Variants in TCF20 observed in about 807,000 individuals in gnomAD.
The protein encoded by TCF20 is SPRE-binding protein.
TCF20 carries 3 observed loss-of-function variants against 148.6 expected under a neutral mutation model. That is an observed-to-expected ratio of 0.02 (90% confidence interval 0.01 to 0.05). TCF20 has a LOEUF of 0.05. Among genes scored for constraint, TCF20 ranks in the 10% least tolerant of loss-of-function variants. The probability of loss-of-function intolerance (pLI) is 1.00; values close to 1 mark genes in which losing one functional copy is unlikely to be tolerated. For synonymous variants in TCF20, 1,049 were observed against 909.5 expected, an observed-to-expected ratio of 1.15 and a Z score of -2.76; for missense variants, 2,350 against 2,429.3, an observed-to-expected ratio of 0.97 and a Z score of 0.69.
intron 1 of TCF20, among the ~76,000 whole-genome samples, chr22:42,301,683 G>A (rs1162937298): frequency 6.6e-6 from 1 of 152,238 alleles, no homozygotes. Flanking sequence ...GCAAGGGAGG[G>A]AAGGTGGGAA....
chr22:42,202,412 G>T (rs1282332222), intron 2 of TCF20, among the ~76,000 whole-genome samples: 2 of 152,166 alleles, frequency 1.3e-5, no homozygotes, highest in Non-Finnish European at 2.9e-5. Context: ...ACTTTGTATG[G>T]TAAGGACAGT....
intron 2 of TCF20, among the ~76,000 whole-genome samples, chr22:42,199,708 A>C (rs1192612726): frequency 3.6e-5 from 4 of 110,656 alleles, no homozygotes; most frequent in South Asian, 2.8e-4. Context: ...CATCTCTACA[A>C]AAAAAAAAAA....
At chr22:42,311,419 C>T (rs1424953152) in intron 1 of TCF20, among the ~76,000 whole-genome samples, 3 of 152,214 alleles carry the variant, frequency 2.0e-5, no homozygotes, top group Admixed American at 6.5e-5. Context: ...ATTTTTGCCT[C>T]AGGGTGGTGT....
chr22:42,263,567 C>G (rs112883712), intron 1 of TCF20, among the ~76,000 whole-genome samples: 15 of 152,296 alleles, frequency 9.8e-5, no homozygotes, highest in African/African-American at 3.4e-4. Context: ...AGGCCTCACT[C>G]TAAATGAACT....
At chr22:42,325,665 T>C (rs767583961) in intron 1 of TCF20, among the ~76,000 whole-genome samples, 2 of 152,074 alleles carry the variant, frequency 1.3e-5, no homozygotes, top group Admixed American at 6.5e-5. Context: ...GAGCTCACAG[T>C]CCAAAACAGG....
chr22:42,169,236 C>T (rs989530977), intron 4 of TCF20, among the ~76,000 whole-genome samples: 1 of 152,130 alleles, frequency 6.6e-6, no homozygotes, highest in Non-Finnish European at 1.5e-5. Context: ...TCTCCATATA[C>T]ACCCTCCCCA....
chr22:42,288,367 C>A (rs965716073), upstream of TCF20, among the ~76,000 whole-genome samples: 1 of 151,960 alleles, frequency 6.6e-6, no homozygotes, highest in African/African-American at 2.4e-5. Flanking sequence ...GAAACCCTGT[C>A]TCAACTAAAA....
At chr22:42,200,990 A>G (rs903021162) in intron 2 of TCF20, among the ~76,000 whole-genome samples, 7 of 152,230 alleles carry the variant, frequency 4.6e-5, no homozygotes, top group African/African-American at 1.2e-4. Flanking sequence ...GTAGCACCCA[A>G]TGCTGGAGGC....
intron 2 of TCF20, among the ~76,000 whole-genome samples, chr22:42,197,698 C>T (rs1393708204): frequency 6.6e-6 from 1 of 152,142 alleles, no homozygotes; most frequent in African/African-American, 2.4e-5. Context: ...CCATACATCT[C>T]AATTTTCCAG....
At chr22:42,180,415 T>C (rs1936713486) in intron 2 of TCF20, among the ~76,000 whole-genome samples, 1 of 152,156 alleles carries the variant, frequency 6.6e-6, no homozygotes, top group Non-Finnish European at 1.5e-5. Flanking sequence ...GGGGCACATC[T>C]CTGTCAGCCC....
intron 2 of TCF20, among the ~76,000 whole-genome samples, chr22:42,202,880 GGGCCGA>G (rs1319954545): frequency 6.6e-6 from 1 of 152,180 alleles, no homozygotes; most frequent in African/African-American, 2.4e-5. Context: ...ACCAGCTAAG[GGGCCGA>G]GGCTGAGGCT....
In TCF20 at chr22:42,279,610, C is replaced by G. The variant is rs1419338123; in HGVS notation, c.-37+4217G>C. On this transcript the variant is annotated intron_variant, in intron 1 of 5. Coordinates refer to the TCF20 transcript ENST00000359486. This position sits in a 1 kb window ranked among gnomAD's most constrained non-coding sequence, Gnocchi z 4.3. ...CCCCCGAGTGAGGGCTGCAGGCACA[C>G]AGTGACTGCGCTTCTCAGTGCCACA... Among the ~76,000 whole-genome samples, 1 of 150,422 alleles carries G rather than the reference C, an allele frequency of 6.6e-6. No individual in the cohort carries two copies. Among genetic ancestry groups the G allele is most frequent in the Non-Finnish European group, 1.5e-5 (1 of 67,902 alleles).
intron 1 of TCF20, among the ~76,000 whole-genome samples, chr22:42,328,388 C>A (rs1927911441): frequency 6.6e-6 from 1 of 152,182 alleles, no homozygotes; most frequent in Non-Finnish European, 1.5e-5. Context: ...GAGGTCTAGG[C>A]CCACTGAGGG....
chr22:42,212,926 G>C lies in TCF20; in HGVS notation c.2380C>G (p.Gln794Glu), dbSNP rs1179947634. 1.9e-6 allele frequency: 3 copies of C among 1,614,150 alleles called. No individual in the cohort carries two copies. The highest frequency in any genetic ancestry group is 2.2e-5 in the South Asian group (2 of 91,082). ...GTTRPNVLVS[Q>E]TNELASRGLL... ...CCCCTGCTAGCTAATTCATTGGTTT[G>C]ACTAACCAAGACATTGGGCCTTGTG... Residue 794 changes from glutamine to glutamate, a missense_variant, in exon 2 of 6, where the codon CAA (glutamine) becomes GAA (glutamate). Coordinates refer to ENST00000677622, the MANE Select transcript of TCF20 (RefSeq NM_001378418.1).
chr22:42,183,566 T>C (rs1852904181), intron 2 of TCF20, among the ~76,000 whole-genome samples: 1 of 152,128 alleles, frequency 6.6e-6, no homozygotes, highest in Non-Finnish European at 1.5e-5. Flanking sequence ...CAAGGAAGCA[T>C]GTTCTCCCCT....
chr22:42,259,076 T>C (rs937533262), intron 1 of TCF20, among the ~76,000 whole-genome samples: 3 of 152,202 alleles, frequency 2.0e-5, no homozygotes, highest in Non-Finnish European at 4.4e-5. Flanking sequence ...CTCAGTAATC[T>C]TGTCTACTGC....
chr22:42,175,021 C>T (rs570155759), intron 3 of TCF20, among the ~76,000 whole-genome samples: 37 of 150,250 alleles, frequency 2.5e-4, no homozygotes, highest in African/African-American at 8.1e-4. Context: ...GGCAACACAG[C>T]GAGACTCTGT....
upstream of TCF20, among the ~76,000 whole-genome samples, chr22:42,287,270 T>C (rs1206586531): frequency 6.6e-6 from 1 of 152,154 alleles, no homozygotes; most frequent in African/African-American, 2.4e-5. Flanking sequence ...GGACACATTA[T>C]TGTTGGGGAT....
upstream of TCF20, among the ~76,000 whole-genome samples, chr22:42,275,603 C>T (rs886728385): frequency 1.3e-5 from 2 of 152,176 alleles, no homozygotes; most frequent in South Asian, 4.1e-4. Flanking sequence ...TCAGGGGAGT[C>T]GGCGCCCTTA....
Sources: allele counts gnomAD v4.1 joint callset (sites outside exome capture counted in the v4.1 genomes callset), GRCh38; gene constraint gnomAD v4.1.1; non-coding constraint Gnocchi (gnomAD v3.1); transcripts MANE v1.5; gene names NCBI Gene and HGNC (gene_info 2026-07-23, HGNC 2026-07-21).